ITPR3: variants seen among roughly 807,000 people sequenced by gnomAD.
The protein encoded by ITPR3 is inositol 1,4,5-trisphosphate receptor type 3, also known as inositol 1,4,5-trisphosphate-gated calcium channel ITPR3.
A neutral mutation model predicts 293.2 loss-of-function variants in ITPR3; 173 were observed. The ratio of observed to expected loss-of-function variants is 0.59; its 90% CI spans 0.52 to 0.67. The LOEUF (loss-of-function observed/expected upper bound fraction) is 0.67. Ranked by LOEUF, ITPR3 falls within the 30% of genes least tolerant of loss-of-function variation. The pLI is 0.00. For synonymous variants in ITPR3, 1,295 were observed against 1,444.4 expected (o/e 0.90, Z 2.35); for missense variants, 2,796 against 3,592.1 (o/e 0.78, Z 5.66).
At chr6:33,674,173 C>CTA (rs1210264058) in intron 23 of ITPR3, 35 bp from the exon 24 acceptor site, 3 of 1,613,192 alleles carry the variant, frequency 1.9e-6, no homozygotes. Context: ...CGGGCTGGGC[C>CTA]TACAATCTGC....
chr6:33,696,348 G>A lies in ITPR3; in HGVS notation c.*568G>A, dbSNP rs76079693. On this transcript the variant is annotated 3_prime_UTR_variant, in exon 58 of 58. Transcript: ENST00000605930. ...GCCACCCCCGGCATGGCTCCAGGTG[G>A]CCTGGTGACTCCATGATGGACGATC... 416 of 153,966 alleles carry A rather than the reference G, an allele frequency of 2.7e-3. 7 individuals carry two copies. The South Asian group carries it at 0.031, about 12-fold the overall frequency. The allele number at this position is 153,966 out of a possible 1,614,324, so 9.5% of individuals were successfully genotyped here. A position where few individuals can be genotyped will look rare whatever the true frequency, so the allele number is the denominator to read the frequency against.
In ITPR3 at chr6:33,677,081, G is replaced by A. The variant is rs147513071; in HGVS notation, c.3514G>A (p.Val1172Ile). 260 of 1,614,072 alleles carry A rather than the reference G, an allele frequency of 1.6e-4. 2 individuals carry two copies. The African/African-American group carries it at 2.7e-3, about 16-fold the overall frequency. The part of the protein sequence containing the change: ...GEKSSENYQI[V>I]KGILERLNKM... The stretch of plus-strand genomic sequence containing the variant: ...GAAAAGCAGTGAGAACTACCAGATC[G>A]TCAAGGGCGTGAGTGGCCAAGGGTC... The change falls in exon 27 of 58, where the codon GTC (valine) becomes ATC (isoleucine). Residue 1172 changes from valine (V) to isoleucine (I), a missense_variant. Around this residue, in one of 8 missense-constraint regions of ITPR3, gnomAD observed 344 missense variants for 460.3 expected, o/e 0.75. Coordinates refer to ENST00000605930, the MANE Select transcript of ITPR3 (RefSeq NM_002224.4).
intron 40 of ITPR3, 48 bp downstream of exon 40, chr6:33,685,581 A>G (rs1361642234): frequency 6.3e-7 from 1 of 1,598,628 alleles, no homozygotes; most frequent in Non-Finnish European, 8.6e-7. Context: ...TCCCAGGATA[A>G]GATGTGCAGG....
chr6:33,652,647 G>A (rs1764218037), intron 2 of ITPR3, among the ~76,000 whole-genome samples: 1 of 151,844 alleles, frequency 6.6e-6, no homozygotes, highest in Non-Finnish European at 1.5e-5. Context: ...TGTATTTTTA[G>A]TAGAGATGGG....
chr6:33,630,334 G>C lies in ITPR3; in HGVS notation c.89+8643G>C, dbSNP rs76179320. Reference sequence around the variant, plus strand: ...GGAGGTTTGGAGCCAGGGCGAGTTGGCCTGAGGGTCTGCCCTGCTGAGGGT... The same window carrying C: ...GGAGGTTTGGAGCCAGGGCGAGTTGCCCTGAGGGTCTGCCCTGCTGAGGGT... On this transcript the variant is annotated intron_variant, in intron 1 of 57. Coordinates refer to ENST00000605930, the MANE Select transcript of ITPR3 (RefSeq NM_002224.4). 5.1e-3 allele frequency among the ~76,000 whole-genome samples: 772 copies of C among 152,314 alleles called. 21 individuals carry two copies. Among genetic ancestry groups the C allele is most frequent in the East Asian group, 0.048 (247 of 5,172 alleles).
chr6:33,684,518 G>A lies in ITPR3; in HGVS notation c.5046+53G>A. On this transcript the variant is annotated intron_variant, in intron 37 of 57. Transcript: ENST00000605930. This position sits in a 1 kb window ranked among gnomAD's most constrained non-coding sequence, Gnocchi z 4.2. ...GGTGGGCCAGTCAGGAGTACCCAGG[G>A]GCTCAGGGTCAAGCCCGTCAGGCCA... 6.2e-7 allele frequency: 1 copy of A among 1,605,240 alleles called. No homozygotes were observed. The highest frequency in any genetic ancestry group is 8.5e-7 in the Non-Finnish European group (1 of 1,172,068).
chr6:33,662,783 C>T, intron 8 of ITPR3, 109 bp downstream of exon 8: 1 of 1,500,828 alleles, frequency 6.7e-7, no homozygotes, highest in Admixed American at 1.9e-5. Context: ...CCCTCTGAGT[C>T]CCTCCAGAGT....
rs1314299800 is a variant in ITPR3 at position 33,687,179 on chromosome 6, C to T, written c.6076-47C>T. The T allele has an allele frequency of 6.3e-7, 1 of 1,595,634 alleles. No homozygotes were observed. Among genetic ancestry groups the T allele is most frequent in the Non-Finnish European group, 8.6e-7 (1 of 1,164,034 alleles). On this transcript the variant is annotated intron_variant, in intron 44 of 57. Transcript: ENST00000605930. This position sits in a 1 kb window ranked among gnomAD's most constrained non-coding sequence, Gnocchi z 5.3. Reference sequence around the variant, plus strand: ...GGATGGGGATGAGGGCCCGGCTGGCCCTACCGCCCTAGGAAGAGAGCATTG... The same window carrying T: ...GGATGGGGATGAGGGCCCGGCTGGCTCTACCGCCCTAGGAAGAGAGCATTG...
At chr6:33,634,673 G>A (rs1250859438) in intron 1 of ITPR3, among the ~76,000 whole-genome samples, 1 of 152,126 alleles carries the variant, frequency 6.6e-6, no homozygotes, top group Non-Finnish European at 1.5e-5. Context: ...GCATGGGGAG[G>A]GGCTGAGCTG....
chr6:33,659,300 G>A lies in ITPR3; in HGVS notation c.628-166G>A, dbSNP rs2296342. ...GCCCTCATTCTCCACCCCACAGGCT[G>A]GTGGCCCCAAGGTAGCCGGGCTGGG... On this transcript the variant is annotated intron_variant, in intron 6 of 57. Coordinates refer to ENST00000605930, the MANE Select transcript of ITPR3 (RefSeq NM_002224.4). Among the ~76,000 whole-genome samples, 86,340 of 151,930 alleles carry A rather than the reference G, an allele frequency of 0.57. 24,750 individuals are homozygous for A. The highest frequency in any genetic ancestry group is 0.64 in the Admixed American group (9,782 of 15,276).
At position 33,684,952 on chromosome 6, in the gene ITPR3, GGC is replaced by G. The variant is rs765267357; in HGVS notation, c.5307+10_5307+11del. The G allele has an allele frequency of 3.8e-6, 6 of 1,599,520 alleles. No homozygotes were observed. In the African/African-American group the frequency reaches 6.7e-5, roughly 18 times the overall value. On this transcript the variant is annotated intron_variant, in intron 39 of 57. Transcript: ENST00000605930. This position sits in a 1 kb window ranked among gnomAD's most constrained non-coding sequence, Gnocchi z 4.2. Reference sequence around the variant, plus strand: ...GCAACACAGAGATCCAGGTGTGGGGGGCCTGGGGCCTGGACATGCCCTCCTTT... The same window carrying G: ...GCAACACAGAGATCCAGGTGTGGGGGCTGGGGCCTGGACATGCCCTCCTTT...
At position 33,659,350 on chromosome 6, in the gene ITPR3, G is replaced by A. The variant is rs1004536015; in HGVS notation, c.628-116G>A. On this transcript the variant is annotated intron_variant, in intron 6 of 57. Transcript: ENST00000605930. ...GGTCTGGGGACCCTGGCTAGGAGAA[G>A]ACACCCTGTCCTTGTGCTGTAATGG... The A allele has an allele frequency of 3.0e-6, 3 of 1,012,250 alleles. No individual in the cohort carries two copies. The African/African-American group carries it at 4.7e-5, about 16-fold the overall frequency. 62.7% of individuals were successfully genotyped at this position (1,012,250 alleles called of 1,614,324 possible).
chr6:33,689,833 CCTGTACCTCACTGT>C (rs1311851929), intron 50 of ITPR3, among the ~76,000 whole-genome samples, 187 bp from the exon 51 acceptor site: 1 of 152,228 alleles, frequency 6.6e-6, no homozygotes, highest in African/African-American at 2.4e-5. Flanking sequence ...TCCTCCGTTG[CCTGTACCTCACTGT>C]CTTCCTGGAA....
chr6:33,688,494 C>T (rs1278762827), intron 48 of ITPR3, 63 bp downstream of exon 48: 20 of 1,498,706 alleles, frequency 1.3e-5, no homozygotes, highest in African/African-American at 5.5e-5. Context: ...CCTGTTATAA[C>T]GGCCTCCTTT....
chr6:33,646,815 A>G (rs1764077994), intron 2 of ITPR3, among the ~76,000 whole-genome samples: 1 of 151,950 alleles, frequency 6.6e-6, no homozygotes, highest in Admixed American at 6.6e-5. Context: ...TACACAGGAG[A>G]CTGAGGTGGG....
intron 51 of ITPR3, 137 bp from the exon 52 acceptor site, chr6:33,690,780 A>T: frequency 2.8e-6 from 2 of 722,270 alleles, no homozygotes; most frequent in Non-Finnish European, 4.6e-6. Context: ...GGATACGACT[A>T]AGTGCAGACC....
At position 33,683,392 on chromosome 6, in the gene ITPR3, C is replaced by T. The variant is rs1467429796; in HGVS notation, c.4783C>T (p.Leu1595=). The change falls in exon 35 of 58, where the codon CTG becomes TTG. Residue 1595 remains leucine (L), a synonymous_variant. Coordinates refer to ENST00000605930, the MANE Select transcript of ITPR3 (RefSeq NM_002224.4). This position sits in a 1 kb window ranked among gnomAD's most constrained non-coding sequence, Gnocchi z 4.5. ...GGACTACAAGAACATCATTGAGAAG[C>T]TGCAGGTGGGTGTGGGGCTGCCTGG... ...QWDYKNIIEK[L]QDIITALEER... is the part of the protein sequence containing the mutation. 1.9e-6 allele frequency: 3 copies of T among 1,563,978 alleles called. No homozygotes were observed. In the African/African-American group the frequency reaches 4.0e-5, roughly 21 times the overall value.
At position 33,654,483 on chromosome 6, in the gene ITPR3, C is replaced by G. The variant is rs970094182; in HGVS notation, c.161-1283C>G. ...ATCTTTGGTTCACTCTGTTTCTACT[C>G]CCGATGGTCCCATGGAGCTTTTGCC... On this transcript the variant is annotated intron_variant, in intron 2 of 57. Coordinates refer to ENST00000605930, the MANE Select transcript of ITPR3 (RefSeq NM_002224.4). The surrounding 1 kb of genome is among the most constrained non-coding windows in gnomAD (Gnocchi z 4.1). Among the ~76,000 whole-genome samples, 1 of 152,126 alleles carries G rather than the reference C, an allele frequency of 6.6e-6. No homozygotes were observed. Among genetic ancestry groups the G allele is most frequent in the Admixed American group, 6.5e-5 (1 of 15,272 alleles).
rs1428899414 is a variant in ITPR3, at chr6:33,670,662, C to T, written c.2442-9C>T. The T allele has an allele frequency of 2.5e-6, 4 of 1,613,870 alleles. No homozygotes were observed. Among genetic ancestry groups the T allele is most frequent in the African/African-American group, 1.3e-5 (1 of 74,908 alleles). ...GGGGACCTTCATGCCTCATGGCCTCCACCCTCAGCTATGATTCCAACCTCA... is the reference window on the plus strand; with the variant it reads ...GGGGACCTTCATGCCTCATGGCCTCTACCCTCAGCTATGATTCCAACCTCA... On this transcript the variant is annotated splice_polypyrimidine_tract_variant and intron_variant, in intron 19 of 57. Coordinates refer to ENST00000605930, the MANE Select transcript of ITPR3 (RefSeq NM_002224.4). This position sits in a 1 kb window ranked among gnomAD's most constrained non-coding sequence, Gnocchi z 6.7.
Sources: allele counts gnomAD v4.1 joint callset (sites outside exome capture counted in the v4.1 genomes callset), GRCh38; gene constraint gnomAD v4.1.1; regional missense constraint gnomAD v4.1.1; non-coding constraint Gnocchi (gnomAD v3.1); transcripts MANE v1.5; gene names NCBI Gene and HGNC (gene_info 2026-07-23, HGNC 2026-07-21).